Variants in ZFR observed in about 807,000 individuals in gnomAD.
ZFR encodes zinc finger RNA binding protein.
Under a neutral mutation model 130.7 loss-of-function variants are expected in ZFR, and 19 were observed. That is an observed-to-expected ratio of 0.15 (90% CI 0.10 to 0.21). The LOEUF (loss-of-function observed/expected upper bound fraction) is 0.21. Among genes scored for constraint, ZFR ranks in the 10% least tolerant of loss-of-function variants. The pLI, the probability that ZFR is intolerant of heterozygous loss-of-function variation, is 1.00. For synonymous variants in ZFR, 466 were observed against 456.9 expected (o/e 1.02, Z -0.25); for missense variants, 872 against 1,321.5 (o/e 0.66, Z 5.27).
At chr5:32,380,337 T>C (rs1752906901) in intron 15 of ZFR, 165 bp from the exon 16 acceptor site, 1 of 497,806 alleles carries the variant, frequency 2.0e-6, no homozygotes, top group Non-Finnish European at 3.6e-6. Flanking sequence ...TAATCCAATA[T>C]GAGGAACAAA....
chr5:32,404,797 G>C (rs1392925228), intron 6 of ZFR, among the ~76,000 whole-genome samples: 1 of 152,186 alleles, frequency 6.6e-6, no homozygotes, highest in African/African-American at 2.4e-5. Flanking sequence ...GGACAGTTTT[G>C]TGAGTAGGAC....
intron 11 of ZFR, 66 bp from the exon 12 acceptor site, chr5:32,390,503 A>G: frequency 6.9e-7 from 1 of 1,458,002 alleles, no homozygotes; most frequent in Admixed American, 1.9e-5. Context: ...TTGCATCAAT[A>G]GTGACATAAA....
At chr5:32,396,762 A>G (rs1473646257) in intron 10 of ZFR, among the ~76,000 whole-genome samples, 1 of 152,166 alleles carries the variant, frequency 6.6e-6, no homozygotes, top group African/African-American at 2.4e-5. Context: ...AAAAAACTTC[A>G]AATACAATAT....
chr5:32,443,695 G>C (rs757568429), intron 2 of ZFR, among the ~76,000 whole-genome samples: 7 of 152,272 alleles, frequency 4.6e-5, no homozygotes, highest in Non-Finnish European at 1.0e-4. Context: ...CGGAGGAAAA[G>C]GTACCCGAGA....
intron 3 of ZFR, among the ~76,000 whole-genome samples, chr5:32,419,491 C>T (rs1581709038): frequency 1.3e-5 from 2 of 152,278 alleles, no homozygotes; most frequent in African/African-American, 4.8e-5. Context: ...GTGCGCACCA[C>T]TGCACCCAGC....
In ZFR at chr5:32,365,523, T is replaced by G. The variant is rs79734893; in HGVS notation, c.2836-1248A>C. ...TCACAATTAAAAAAATTAAGACAGC[T>G]CAGTTTATTCCGTTGAAGAATGCAG... On this transcript the variant is annotated intron_variant, in intron 17 of 19. Transcript: ENST00000265069. Among the ~76,000 whole-genome samples the G allele has an allele frequency of 3.0e-3, 458 of 152,126 alleles. 8 individuals carry two copies. In the East Asian group the frequency reaches 0.046, roughly 15 times the overall value.
intron 2 of ZFR, among the ~76,000 whole-genome samples, chr5:32,444,015 A>C (rs1455785938): frequency 6.9e-6 from 1 of 144,840 alleles, no homozygotes; most frequent in Non-Finnish European, 1.5e-5. Context: ...CCTCCCCCCT[A>C]CTGGGGGCCG....
At chr5:32,436,406 C>T (rs1334501680) in intron 2 of ZFR, among the ~76,000 whole-genome samples, 1 of 151,972 alleles carries the variant, frequency 6.6e-6, no homozygotes, top group Non-Finnish European at 1.5e-5. Flanking sequence ...CCGCCTCAGC[C>T]TCCCAAAGTG....
chr5:32,443,146 A>C (rs1754510217), intron 2 of ZFR, among the ~76,000 whole-genome samples: 1 of 152,232 alleles, frequency 6.6e-6, no homozygotes, highest in Non-Finnish European at 1.5e-5. Flanking sequence ...GAAGTAAATC[A>C]AATGAAAAAA....
At chr5:32,412,048 G>A (rs973270897) in intron 5 of ZFR, among the ~76,000 whole-genome samples, 4 of 152,282 alleles carry the variant, frequency 2.6e-5, no homozygotes, top group Non-Finnish European at 5.9e-5. Context: ...AATGTGAAAG[G>A]ATTTTGCAAC....
intron 5 of ZFR, among the ~76,000 whole-genome samples, chr5:32,412,893 A>C (rs1166784971): frequency 1.3e-5 from 2 of 152,150 alleles, no homozygotes; most frequent in Non-Finnish European, 2.9e-5. Context: ...TGGAGAATTA[A>C]AATTTTCTGG....
At chr5:32,370,247 G>A (rs1308804100) in intron 17 of ZFR, among the ~76,000 whole-genome samples, 3 of 151,390 alleles carry the variant, frequency 2.0e-5, no homozygotes, top group Non-Finnish European at 2.9e-5. Flanking sequence ...TTTTTTTGCT[G>A]AAATACTCAT....
At position 32,404,104 on chromosome 5, in the gene ZFR, C is replaced by A; in HGVS notation, c.1033-7G>T. On this transcript the variant is annotated splice_region_variant and splice_polypyrimidine_tract_variant and intron_variant, in intron 6 of 19. Coordinates refer to ENST00000265069, the MANE Select transcript of ZFR (RefSeq NM_016107.5). ...CTAAATGTTCTTTATAAGTCTGTTT[C>A]AAATAAAAAGGAAACATTTTGCTTC... is the stretch of plus-strand genomic sequence containing the variant. The A allele has an allele frequency of 6.3e-7, 1 of 1,577,736 alleles. No homozygotes were observed. Among genetic ancestry groups the A allele is most frequent in the South Asian group, 1.2e-5 (1 of 84,750 alleles).
intron 17 of ZFR, among the ~76,000 whole-genome samples, chr5:32,370,719 T>C (rs930746734): frequency 6.6e-6 from 1 of 152,218 alleles, no homozygotes; most frequent in African/African-American, 2.4e-5. Context: ...TATAAGTTAC[T>C]GCAGTTATAC....
In ZFR at chr5:32,416,506, T is replaced by C. The variant is rs1400513922; in HGVS notation, c.565+1142A>G. 4.0e-5 allele frequency among the ~76,000 whole-genome samples: 6 copies of C among 151,234 alleles called. No individual in the cohort carries two copies. The South Asian group carries it at 1.3e-3, about 32-fold the overall frequency. On this transcript the variant is annotated intron_variant, in intron 4 of 19. Coordinates refer to ENST00000265069, the MANE Select transcript of ZFR (RefSeq NM_016107.5). ...GCGCATGCCTGTAATCCCAGCTACT[T>C]GAGAGGCTGAGGCAGGAGAATCGCT...
At chr5:32,420,584 A>G (rs1218914962) in intron 2 of ZFR, among the ~76,000 whole-genome samples, 1 of 152,234 alleles carries the variant, frequency 6.6e-6, no homozygotes, top group Non-Finnish European at 1.5e-5. Context: ...TGACCAGCTG[A>G]TTAAAAAATA....
At chr5:32,408,614 G>T (rs1244286236) in intron 5 of ZFR, among the ~76,000 whole-genome samples, 2 of 152,132 alleles carry the variant, frequency 1.3e-5, no homozygotes, top group African/African-American at 4.8e-5. Context: ...GTTTTTGCCT[G>T]TAAGCTTGAA....
chr5:32,379,093 C>G, intron 17 of ZFR, 22 bp downstream of exon 17: 1 of 1,554,692 alleles, frequency 6.4e-7, no homozygotes, highest in African/African-American at 1.4e-5. Context: ...GTTTTTACAC[C>G]ATACAGTTAC....
intron 11 of ZFR, among the ~76,000 whole-genome samples, chr5:32,394,127 T>G (rs1753242695): frequency 6.6e-6 from 1 of 152,250 alleles, no homozygotes; most frequent in African/African-American, 2.4e-5. Context: ...ATGTTTCTGC[T>G]AAAACTGTAT....
Sources: allele counts gnomAD v4.1 joint callset (sites outside exome capture counted in the v4.1 genomes callset), GRCh38; gene constraint gnomAD v4.1.1; transcripts MANE v1.5; gene names NCBI Gene and HGNC (gene_info 2026-07-23, HGNC 2026-07-21).